The following CCDC88B variants were observed in gnomAD, a reference collection of about 807,000 sequenced individuals.
CCDC88B encodes the protein coiled-coil domain-containing protein 88B.
CCDC88B carries 138 observed loss-of-function variants against 183.7 expected under a neutral mutation model. The ratio of observed to expected loss-of-function variants is 0.75; its 90% CI spans 0.65 to 0.87. The LOEUF (loss-of-function observed/expected upper bound fraction) is 0.87. Among genes scored for constraint, CCDC88B ranks in the 40% least tolerant of loss-of-function variants. The pLI is 0.00. For missense variants in CCDC88B, 1,822 were observed against 1,965.6 expected (o/e 0.93, Z 1.38); for synonymous variants, 835 against 867.5 (o/e 0.96, Z 0.66).
At chr11:64,340,410 A>T in intron 1 of CCDC88B, 84 bp downstream of exon 1, 1 of 1,234,416 alleles carries the variant, frequency 8.1e-7, no homozygotes, top group Non-Finnish European at 1.1e-6. Flanking sequence ...GGGGAGGGTG[A>T]GGCAGAACCA....
At chr11:64,354,256 G>A in intron 24 of CCDC88B, 86 bp downstream of exon 24, 2 of 1,182,950 alleles carry the variant, frequency 1.7e-6, no homozygotes, top group Non-Finnish European at 2.2e-6. Flanking sequence ...TGCCTGGCCT[G>A]CATGCGTGAC....
At chr11:64,341,773 G>T in intron 7 of CCDC88B, 31 bp downstream of exon 7, 1 of 1,542,810 alleles carries the variant, frequency 6.5e-7, no homozygotes, top group Non-Finnish European at 8.7e-7. Context: ...GTGGACTCAG[G>T]TTGGGGAACT....
At chr11:64,348,942 C>A in intron 14 of CCDC88B, 2 of 711,008 alleles carry the variant, frequency 2.8e-6, no homozygotes. Flanking sequence ...TCTCACCCGA[C>A]CCACCTCTGC....
chr11:64,346,125 A>C (rs2036095407), intron 14 of CCDC88B, among the ~76,000 whole-genome samples: 1 of 152,216 alleles, frequency 6.6e-6, no homozygotes, highest in Admixed American at 6.5e-5. Flanking sequence ...AGGGAAAGCC[A>C]GGGTAGAACT....
chr11:64,350,654 C>G (rs1199046), intron 16 of CCDC88B: 2 of 151,870 alleles, frequency 1.3e-5, no homozygotes, highest in Admixed American at 6.6e-5. Context: ...CCACTGCACT[C>G]CAGCCCGGGT....
At chr11:64,348,854 GC>G (rs560433866) in intron 14 of CCDC88B, 80 of 602,448 alleles carry the variant, frequency 1.3e-4, no homozygotes, top group South Asian at 8.5e-4. Context: ...GGCGCCCCCT[GC>G]CCCCCCAGCC....
rs1349544530 is a variant in CCDC88B at position 64,344,931 on chromosome 11, T to C, written c.2390T>C (p.Val797Ala). The C allele has an allele frequency of 1.3e-6, 2 of 1,561,304 alleles. No individual in the cohort carries two copies. Among genetic ancestry groups the C allele is most frequent in the Non-Finnish European group, 1.7e-6 (2 of 1,153,658 alleles). ...GAGCAAGCCCGGCTGCGGGAGGCAG[T>C]GGAGGCTGCTGGCCAGGAGCTGGAG... Reference protein sequence around the residue: ...AWEQARLREAVEAAGQELESA... With the variant: ...AWEQARLREAAEAAGQELESA... The change falls in exon 14 of 27, where the codon GTG (valine) becomes GCG (alanine). Residue 797 changes from valine to alanine, a missense_variant. Physicochemically the swap from Val to Ala is moderately conservative, Grantham distance 64. Transcript: ENST00000356786. The surrounding 1 kb of genome is among the most constrained non-coding windows in gnomAD (Gnocchi z 4.5).
At chr11:64,353,643 G>T (rs1257395676) in intron 22 of CCDC88B, 72 bp from the exon 23 acceptor site, 1 of 1,592,872 alleles carries the variant, frequency 6.3e-7, no homozygotes, top group South Asian at 1.1e-5. Flanking sequence ...CGTCCTCGCT[G>T]CAGCTTGTGC....
At position 64,353,808 on chromosome 11, in the gene CCDC88B, G is replaced by A; in HGVS notation, c.3927G>A (p.Arg1309=). Residue 1309 remains arginine (R), a synonymous_variant, in exon 23 of 27, where the codon CGG becomes CGA. Coordinates refer to ENST00000356786, the MANE Select transcript of CCDC88B (RefSeq NM_032251.6). ...YRVLEPVPLP[R]TKKGSWLADK... ...TGCTGGAGCCTGTGCCCCTGCCCCG[G>A]ACCAAGTGAGCAGCCCTGTCACCTC... 2 of 1,613,972 alleles carry A rather than the reference G, an allele frequency of 1.2e-6. No individual in the cohort carries two copies. Among genetic ancestry groups the A allele is most frequent in the Non-Finnish European group, 1.7e-6 (2 of 1,179,900 alleles).
At chr11:64,348,562 GAGGTGCAGTGCCCCTTGGGCAAGGCCT>G (rs1445915648) in intron 14 of CCDC88B, among the ~76,000 whole-genome samples, 1 of 152,214 alleles carries the variant, frequency 6.6e-6, no homozygotes, top group Non-Finnish European at 1.5e-5. Flanking sequence ...AGAGTGTCAG[GAGGTGCAGTGCCCCTTGGGCAAGGCCT>G]AGGTGCAGTT....
chr11:64,355,523 C>CA, intron 25 of CCDC88B, 37 bp from the exon 26 acceptor site: 1 of 1,611,272 alleles, frequency 6.2e-7, no homozygotes, highest in South Asian at 1.1e-5. Context: ...CACTTCCGCA[C>CA]TGGCCCTGGG....
rs1157973089 is a variant in CCDC88B, at chr11:64,355,612, A to G, written c.4359A>G (p.Thr1453=). 1 of 1,611,678 alleles carries G rather than the reference A, an allele frequency of 6.2e-7. No homozygotes were observed. The highest frequency in any genetic ancestry group is 8.5e-7 in the Non-Finnish European group (1 of 1,179,156). ...CTGAGACCCTGCAGGAACACGAAAC[A>G]GATGCCAACCGAGAGGGTGAGTGGG... ...NSAETLQEHE[T]DANREGPEVQ... is the part of the protein sequence containing the mutation. The change falls in exon 26 of 27, where the codon ACA becomes ACG. Residue 1453 remains threonine (T), a synonymous_variant. Coordinates refer to ENST00000356786, the MANE Select transcript of CCDC88B (RefSeq NM_032251.6).
At chr11:64,352,680 T>C (rs924118887) in intron 19 of CCDC88B, 64 bp from the exon 20 acceptor site, 19 of 1,608,910 alleles carry the variant, frequency 1.2e-5, no homozygotes, top group Non-Finnish European at 1.5e-5. Flanking sequence ...GTCCAGATAG[T>C]CCAGCCAGCT....
chr11:64,349,698 C>A (rs966121039), intron 16 of CCDC88B, 30 bp downstream of exon 16: 1 of 1,548,316 alleles, frequency 6.5e-7, no homozygotes, highest in Non-Finnish European at 8.8e-7. Context: ...GAGCTGGGGG[C>A]CATGCCACCC....
chr11:64,342,192 C>T (rs1297886788), intron 8 of CCDC88B, 53 bp downstream of exon 8: 4 of 1,592,742 alleles, frequency 2.5e-6, no homozygotes, highest in African/African-American at 1.3e-5. Flanking sequence ...CAGATTAAGC[C>T]TGGATGGGAC....
chr11:64,349,906 T>A lies in CCDC88B; in HGVS notation c.2862+238T>A, dbSNP rs150966892. The A allele has an allele frequency of 2.4e-3, 1,368 of 573,970 alleles. 13 individuals carry two copies. The Middle Eastern group carries it at 0.028, about 12-fold the overall frequency. The allele number at this position is 573,970 out of a possible 1,614,324, so 35.6% of individuals were successfully genotyped here. On this transcript the variant is annotated intron_variant, in intron 16 of 26. Coordinates refer to ENST00000356786, the MANE Select transcript of CCDC88B (RefSeq NM_032251.6). Reference sequence around the variant, plus strand: ...ACATGGACAGAACTTCTGCTGTGGATGACTGCTCCGCCTGTCTCACCCGAG... The same window carrying A: ...ACATGGACAGAACTTCTGCTGTGGAAGACTGCTCCGCCTGTCTCACCCGAG...
rs574148465 is a variant in CCDC88B, at chr11:64,342,023, A to T, written c.705A>T (p.Glu235Asp). The T allele has an allele frequency of 4.3e-6, 7 of 1,611,142 alleles. No individual in the cohort carries two copies. The East Asian group carries it at 6.7e-5, about 15-fold the overall frequency. The change falls in exon 8 of 27, where the codon GAA becomes GAT. Residue 235 changes from glutamate to aspartate, a missense_variant. By Grantham distance (45) the Glu-to-Asp change is conservative (BLOSUM62 2). Coordinates refer to ENST00000356786, the MANE Select transcript of CCDC88B (RefSeq NM_032251.6). ...QRLAELLLER[E>D]PLCLRPEAPS... ...TGGCTGAACTGCTGCTGGAGCGAGA[A>T]CCCCTCTGCTTGAGGCCTGAGGCTC...
intron 14 of CCDC88B, among the ~76,000 whole-genome samples, chr11:64,347,742 A>G (rs2036167949): frequency 6.6e-6 from 1 of 152,068 alleles, no homozygotes; most frequent in Admixed American, 6.6e-5. Flanking sequence ...TCACTTGTAA[A>G]ACTGGAATAA....
rs1489274784 is a variant in CCDC88B at position 64,354,161 on chromosome 11, G to A, written c.4090G>A (p.Asp1364Asn). 1 of 1,367,978 alleles carries A rather than the reference G, an allele frequency of 7.3e-7. No individual in the cohort carries two copies. Among genetic ancestry groups the A allele is most frequent in the Non-Finnish European group, 9.5e-7 (1 of 1,054,062 alleles). 84.7% of individuals were successfully genotyped at this position (1,367,978 alleles called of 1,614,324 possible). ...GGAGCTTCCTGAGGGCAGGGAGGCAGATGGGACAGGTGGGTCTGGGGGTCA... is the reference window on the plus strand; with the variant it reads ...GGAGCTTCCTGAGGGCAGGGAGGCAAATGGGACAGGTGGGTCTGGGGGTCA... ...ETELPEGREA[D>N]GTGSPSPAPM... The change falls in exon 24 of 27, where the codon GAT becomes AAT. Residue 1364 changes from aspartate (D) to asparagine (N), a missense_variant. Physicochemically the swap from Asp to Asn is conservative, Grantham distance 23. Coordinates refer to ENST00000356786, the MANE Select transcript of CCDC88B (RefSeq NM_032251.6).
Sources: allele counts gnomAD v4.1 joint callset (sites outside exome capture counted in the v4.1 genomes callset), GRCh38; gene constraint gnomAD v4.1.1; non-coding constraint Gnocchi (gnomAD v3.1); transcripts MANE v1.5; gene names NCBI Gene and HGNC (gene_info 2026-07-23, HGNC 2026-07-21).